The following PTPRK variants were observed in gnomAD, a reference collection of about 807,000 sequenced individuals.
The protein encoded by PTPRK is protein tyrosine phosphatase receptor type K, also known as receptor-type tyrosine-protein phosphatase kappa.
Under a neutral mutation model 178.0 loss-of-function variants are expected in PTPRK, and 75 were observed. The observed-to-expected ratio is 0.42, with a 90% CI of 0.35 to 0.51. The LOEUF (loss-of-function observed/expected upper bound fraction) is 0.51, where lower values mean the gene tolerates loss of function less well. PTPRK is among the 20% of genes least tolerant of loss of function. The pLI is 0.02. For missense variants in PTPRK, 1,441 were observed against 1,797.8 expected (o/e 0.80, Z 3.59); for synonymous variants, 637 against 620.6 (o/e 1.03, Z -0.39).
chr6:128,272,979 A>G (rs1315547046), intron 3 of PTPRK, among the ~76,000 whole-genome samples: 1 of 152,204 alleles, frequency 6.6e-6, no homozygotes, highest in Non-Finnish European at 1.5e-5. Flanking sequence ...TCAATGATAG[A>G]CTGGATTAAG....
intron 3 of PTPRK, among the ~76,000 whole-genome samples, chr6:128,308,602 C>A (rs1038355753): frequency 2.6e-5 from 4 of 151,720 alleles, no homozygotes; most frequent in African/African-American, 9.7e-5. Context: ...TGGAAGTCAA[C>A]GGGAATAAGG....
chr6:128,155,447 C>T (rs376259653), intron 7 of PTPRK, among the ~76,000 whole-genome samples: 1 of 151,522 alleles, frequency 6.6e-6, no homozygotes, highest in Non-Finnish European at 1.5e-5. Flanking sequence ...TCTTGAGTTA[C>T]GGTTAATTTA....
At position 128,067,743 on chromosome 6, in the gene PTPRK, C is replaced by G; in HGVS notation, c.1933G>C (p.Glu645Gln). 6.2e-7 allele frequency: 1 copy of G among 1,613,154 alleles called. No homozygotes were observed. The highest frequency in any genetic ancestry group is 8.5e-7 in the Non-Finnish European group (1 of 1,179,404). ...TGGTAGCATTCCATGGCTCCGGCTTCTCTCTTGGTTCGGTGTGGGTGCAGT... is the reference window on the plus strand; with the variant it reads ...TGGTAGCATTCCATGGCTCCGGCTTGTCTCTTGGTTCGGTGTGGGTGCAGT... ...EELHPHRTKR[E>Q]AGAMECYQVP... The change falls in exon 12 of 30, where the codon GAA becomes CAA. Residue 645 changes from glutamate (E) to glutamine (Q), a missense_variant. This residue lies in a region of PTPRK where 945 missense variants were observed against 1,080.6 expected (regional missense o/e 0.87). Transcript: ENST00000368226.
intron 2 of PTPRK, among the ~76,000 whole-genome samples, chr6:128,341,318 A>G (rs542079152): frequency 2.4e-4 from 37 of 152,278 alleles, no homozygotes; most frequent in African/African-American, 8.9e-4. Context: ...AATTTTTTCA[A>G]AAAGCCTCAT....
chr6:128,453,596 A>G (rs1848052042), intron 1 of PTPRK, among the ~76,000 whole-genome samples: 1 of 152,278 alleles, frequency 6.6e-6, no homozygotes, highest in African/African-American at 2.4e-5. Flanking sequence ...ATAAGGAAGC[A>G]CCTCCCAAAA....
At chr6:128,240,454 G>GA (rs1242150472) in intron 4 of PTPRK, among the ~76,000 whole-genome samples, 1 of 152,100 alleles carries the variant, frequency 6.6e-6, no homozygotes, top group Non-Finnish European at 1.5e-5. Context: ...GTATATGGAT[G>GA]ATAATAAAAC....
At chr6:128,088,753 ATAT>A in intron 8 of PTPRK, among the ~76,000 whole-genome samples, 1 of 152,312 alleles carries the variant, frequency 6.6e-6, no homozygotes, top group East Asian at 1.9e-4. Flanking sequence ...ATATTTGTTC[ATAT>A]TATTTATCAA....
chr6:128,094,895 A>G (rs1463839364), intron 7 of PTPRK, among the ~76,000 whole-genome samples: 1 of 152,046 alleles, frequency 6.6e-6, no homozygotes, highest in African/African-American at 2.4e-5. Flanking sequence ...CAAAAGAGAA[A>G]TGGAGAGAAG....
intron 15 of PTPRK, among the ~76,000 whole-genome samples, chr6:128,001,451 A>G (rs1159520684): frequency 6.6e-6 from 1 of 152,064 alleles, no homozygotes; most frequent in Non-Finnish European, 1.5e-5. Flanking sequence ...TAGCTTTTAA[A>G]GAATGCCAAT....
At chr6:128,300,677 A>T (rs961755354) in intron 3 of PTPRK, among the ~76,000 whole-genome samples, 4 of 126,954 alleles carry the variant, frequency 3.2e-5, no homozygotes, top group African/African-American at 1.2e-4. Context: ...ACACGGACAC[A>T]GGAAGGGGAA....
intron 7 of PTPRK, among the ~76,000 whole-genome samples, chr6:128,130,924 T>C (rs1195837767): frequency 1.3e-5 from 2 of 152,226 alleles, no homozygotes; most frequent in African/African-American, 4.8e-5. Flanking sequence ...CACTCCAGAA[T>C]TACATAATTT....
intron 2 of PTPRK, among the ~76,000 whole-genome samples, chr6:128,354,409 G>C (rs1048370320): frequency 5.9e-5 from 9 of 151,390 alleles, no homozygotes; most frequent in African/African-American, 2.2e-4. Flanking sequence ...CTAATTTCTT[G>C]TATTTTTAGT....
At chr6:128,026,867 A>G (rs1303239007) in intron 13 of PTPRK, among the ~76,000 whole-genome samples, 1 of 152,170 alleles carries the variant, frequency 6.6e-6, no homozygotes, top group East Asian at 1.9e-4. Context: ...CTATTCAATA[A>G]ATATTACTAA....
At chr6:128,497,388 T>A (rs1854838451) in intron 1 of PTPRK, among the ~76,000 whole-genome samples, 1 of 152,140 alleles carries the variant, frequency 6.6e-6, no homozygotes, top group African/African-American at 2.4e-5. Context: ...GGCAGGGCGA[T>A]CCCTTGAGCC....
chr6:128,017,775 T>C (rs1779751715), intron 13 of PTPRK, among the ~76,000 whole-genome samples: 1 of 125,932 alleles, frequency 7.9e-6, no homozygotes, highest in African/African-American at 2.9e-5. Flanking sequence ...TATAAATATT[T>C]ATACATATAT....
chr6:128,386,236 C>G (rs1212688286), intron 2 of PTPRK, among the ~76,000 whole-genome samples: 1 of 151,970 alleles, frequency 6.6e-6, no homozygotes, highest in Non-Finnish European at 1.5e-5. Context: ...TTTCTTTAAC[C>G]AGAATATAGT....
At chr6:128,342,082 G>A (rs893978514) in intron 2 of PTPRK, among the ~76,000 whole-genome samples, 9 of 151,936 alleles carry the variant, frequency 5.9e-5, no homozygotes, top group Admixed American at 1.3e-4. Flanking sequence ...ATGAAACCCC[G>A]TTTTTACTAA....
At chr6:128,093,893 A>G (rs1787472480) in intron 7 of PTPRK, among the ~76,000 whole-genome samples, 1 of 152,136 alleles carries the variant, frequency 6.6e-6, no homozygotes, top group African/African-American at 2.4e-5. Context: ...AAAATAAACA[A>G]TATATTTACA....
chr6:128,310,583 G>T (rs1400143731), intron 3 of PTPRK, among the ~76,000 whole-genome samples: 2 of 152,178 alleles, frequency 1.3e-5, no homozygotes, highest in Non-Finnish European at 2.9e-5. Context: ...TGAAAAAGCA[G>T]AAAGGACCTT....
Sources: allele counts gnomAD v4.1 joint callset (sites outside exome capture counted in the v4.1 genomes callset), GRCh38; gene constraint gnomAD v4.1.1; regional missense constraint gnomAD v4.1.1; transcripts MANE v1.5; gene names NCBI Gene and HGNC (gene_info 2026-07-23, HGNC 2026-07-21).